The following UBE2E2 variants were observed in gnomAD, a reference collection of about 807,000 sequenced individuals.
The protein encoded by UBE2E2 is ubiquitin conjugating enzyme E2 E2.
A neutral mutation model predicts 24.7 loss-of-function variants in UBE2E2; 6 were observed. That is an observed-to-expected ratio of 0.24 (90% CI 0.13 to 0.48). UBE2E2 has a LOEUF of 0.48. Among genes scored for constraint, UBE2E2 ranks in the 20% least tolerant of loss-of-function variants. The pLI, the probability that UBE2E2 is intolerant of heterozygous loss-of-function variation, is 0.99. For missense variants in UBE2E2, 169 were observed against 245.0 expected (o/e 0.69, Z 2.07); for synonymous variants, 104 against 83.6 (o/e 1.24, Z -1.33).
intron 5 of UBE2E2, among the ~76,000 whole-genome samples, chr3:23,575,773 A>G (rs962097511): frequency 5.3e-5 from 8 of 152,218 alleles, no homozygotes; most frequent in African/African-American, 1.7e-4. Context: ...GAAGTACTCA[A>G]ATATGTCCTC....
chr3:23,505,819 AGATGGG>A (rs1694440247), intron 4 of UBE2E2, among the ~76,000 whole-genome samples: 1 of 152,216 alleles, frequency 6.6e-6, no homozygotes, highest in South Asian at 2.1e-4. Flanking sequence ...AAAGTGAAAT[AGATGGG>A]GTCTTCAGGT....
At chr3:23,388,764 T>C (rs1037088190) in intron 3 of UBE2E2, among the ~76,000 whole-genome samples, 3 of 152,072 alleles carry the variant, frequency 2.0e-5, no homozygotes, top group African/African-American at 4.8e-5. Context: ...CCCAGTACTT[T>C]AGGAGGCCAA....
intron 3 of UBE2E2, among the ~76,000 whole-genome samples, chr3:23,218,938 A>G (rs149201384): frequency 1.3e-5 from 2 of 152,324 alleles, no homozygotes; most frequent in Admixed American, 1.3e-4. Flanking sequence ...CATCATTACT[A>G]GTTCATATGT....
intron 3 of UBE2E2, among the ~76,000 whole-genome samples, chr3:23,405,153 G>A (rs933304317): frequency 1.3e-5 from 2 of 152,118 alleles, no homozygotes; most frequent in Non-Finnish European, 2.9e-5. Context: ...TTTACACATG[G>A]GAAGTCATGC....
intron 3 of UBE2E2, among the ~76,000 whole-genome samples, chr3:23,466,677 C>T (rs191008918): frequency 1.3e-5 from 2 of 152,246 alleles, no homozygotes; most frequent in South Asian, 2.1e-4. Context: ...AAGCGATTCT[C>T]CTGCCTCAGC....
At chr3:23,554,795 T>A (rs1695735478) in intron 5 of UBE2E2, among the ~76,000 whole-genome samples, 1 of 151,944 alleles carries the variant, frequency 6.6e-6, no homozygotes, top group Admixed American at 6.6e-5. Context: ...AACTACAGAC[T>A]GGGAAAAAAA....
At chr3:23,436,143 T>A (rs570354203) in intron 3 of UBE2E2, among the ~76,000 whole-genome samples, 21 of 151,962 alleles carry the variant, frequency 1.4e-4, no homozygotes, top group African/African-American at 5.1e-4. Context: ...GGCTACAGAC[T>A]GTTAGCAGTC....
intron 3 of UBE2E2, among the ~76,000 whole-genome samples, chr3:23,350,022 C>G (rs536722677): frequency 6.6e-6 from 1 of 152,296 alleles, no homozygotes; most frequent in East Asian, 1.9e-4. Flanking sequence ...CGGCCAGGTA[C>G]TCCTCTGAGA....
rs989038079 is a variant in UBE2E2, at chr3:23,203,354, G to A, written c.-119G>A. The A allele has an allele frequency of 3.7e-5, 36 of 986,156 alleles. No individual in the cohort carries two copies. Among genetic ancestry groups the A allele is most frequent in the Non-Finnish European group, 4.1e-5 (34 of 830,472 alleles). 61.1% of individuals were successfully genotyped at this position (986,156 alleles called of 1,614,324 possible). ...CTTTCGGTGACTAGACGGTCCGCAG[G>A]GGACATCCCGTCCCTGGGGCCTCCC... is the stretch of plus-strand genomic sequence containing the variant. On this transcript the variant is annotated 5_prime_UTR_variant, in exon 1 of 6. Transcript: ENST00000396703.
rs140277383 is a variant in UBE2E2, at chr3:23,533,868, G to A, written c.508+1167G>A. On this transcript the variant is annotated intron_variant, in intron 5 of 5. Coordinates refer to ENST00000396703, the MANE Select transcript of UBE2E2 (RefSeq NM_152653.4). ...GAACTCCTGACCTTGTGATCCGCCC[G>A]CTTTGGCCCCCCAAAGTGCTGGGAT... Among the ~76,000 whole-genome samples, 39 of 151,870 alleles carry A rather than the reference G, an allele frequency of 2.6e-4. No homozygotes were observed. In the East Asian group the frequency reaches 3.7e-3, roughly 14 times the overall value.
chr3:23,224,259 A>C (rs1379378652), intron 3 of UBE2E2, among the ~76,000 whole-genome samples: 2 of 139,144 alleles, frequency 1.4e-5, no homozygotes, highest in Non-Finnish European at 3.0e-5. Flanking sequence ...TAGTCTTGTC[A>C]TTTAAAAATA....
intron 3 of UBE2E2, among the ~76,000 whole-genome samples, chr3:23,317,526 T>C (rs1327013866): frequency 6.6e-6 from 1 of 152,176 alleles, no homozygotes; most frequent in African/African-American, 2.4e-5. Flanking sequence ...GGGTGATTTA[T>C]ACAGGATAAA....
chr3:23,260,188 T>C (rs1239071931), intron 3 of UBE2E2, among the ~76,000 whole-genome samples: 1 of 152,224 alleles, frequency 6.6e-6, no homozygotes, highest in Non-Finnish European at 1.5e-5. Context: ...TGACACATTA[T>C]AAATAAGCCT....
intron 3 of UBE2E2, among the ~76,000 whole-genome samples, chr3:23,375,522 G>GACT (rs910487182): frequency 6.6e-6 from 1 of 152,188 alleles, no homozygotes; most frequent in African/African-American, 2.4e-5. Flanking sequence ...GTACAAGTCA[G>GACT]ACTACAATAA....
At chr3:23,325,290 A>G (rs1694854239) in intron 3 of UBE2E2, among the ~76,000 whole-genome samples, 1 of 152,154 alleles carries the variant, frequency 6.6e-6, no homozygotes, top group South Asian at 2.1e-4. Flanking sequence ...AATATTCATG[A>G]AACAATTGAA....
chr3:23,453,452 A>G (rs941300243), intron 3 of UBE2E2, among the ~76,000 whole-genome samples: 1 of 152,176 alleles, frequency 6.6e-6, no homozygotes, highest in Admixed American at 6.5e-5. Flanking sequence ...AACAGAATAT[A>G]TACCCAAAGT....
intron 3 of UBE2E2, among the ~76,000 whole-genome samples, chr3:23,331,332 T>G (rs1236115938): frequency 2.0e-5 from 3 of 152,138 alleles, no homozygotes; most frequent in Non-Finnish European, 2.9e-5. Flanking sequence ...GCCAGAGAGA[T>G]AGTAATGAAC....
chr3:23,506,442 C>G (rs546824186), intron 4 of UBE2E2, among the ~76,000 whole-genome samples: 1 of 152,308 alleles, frequency 6.6e-6, no homozygotes, highest in South Asian at 2.1e-4. Context: ...TACATTCATT[C>G]TTGACTCCTT....
chr3:23,457,824 C>T (rs1247801331), intron 3 of UBE2E2, among the ~76,000 whole-genome samples: 1 of 152,200 alleles, frequency 6.6e-6, no homozygotes, highest in African/African-American at 2.4e-5. Flanking sequence ...AGCTTTTCTT[C>T]TGCAGTTTTC....
Sources: allele counts gnomAD v4.1 joint callset (sites outside exome capture counted in the v4.1 genomes callset), GRCh38; gene constraint gnomAD v4.1.1; transcripts MANE v1.5; gene names NCBI Gene and HGNC (gene_info 2026-07-23, HGNC 2026-07-21).